PRKN: variants seen among roughly 807,000 people sequenced by gnomAD.
The protein encoded by PRKN is parkin RBR E3 ubiquitin protein ligase.
A neutral mutation model predicts 59.5 loss-of-function variants in PRKN; 56 were observed. That is an observed-to-expected ratio of 0.94 (90% CI 0.76 to 1.18). The LOEUF (loss-of-function observed/expected upper bound fraction) is 1.18, where lower values mean the gene tolerates loss of function less well. Ranked by LOEUF, PRKN falls within the 50% of genes most tolerant of loss-of-function variation. The pLI is 0.00. For synonymous variants in PRKN, 250 were observed against 222.1 expected, an observed-to-expected ratio of 1.13 and a Z score of -1.12; for missense variants, 657 against 596.4, an observed-to-expected ratio of 1.10 and a Z score of -1.06.
intron 5 of PRKN, among the ~76,000 whole-genome samples, chr6:162,048,060 C>T (rs188209939): frequency 5.3e-5 from 8 of 151,936 alleles, no homozygotes; most frequent in South Asian, 2.1e-4. Context: ...AGAGGTGTTA[C>T]GCTACTTGTT....
At chr6:161,856,361 A>AAAAT (rs113381073) in intron 6 of PRKN, among the ~76,000 whole-genome samples, 58,388 of 149,148 alleles carry the variant, frequency 0.39, 11,901 homozygotes, top group East Asian at 0.68. Flanking sequence ...ATGCCATCTC[A>AAAAT]AAATAAATAA....
chr6:161,636,058 G>A (rs1448969717), intron 7 of PRKN, among the ~76,000 whole-genome samples: 2 of 152,130 alleles, frequency 1.3e-5, no homozygotes, highest in Non-Finnish European at 2.9e-5. Context: ...CCCGAAACAT[G>A]AGTCTCCCAT....
In PRKN at chr6:161,451,955, T is replaced by C. The variant is rs192356534; in HGVS notation, c.1084-65078A>G. On this transcript the variant is annotated intron_variant, in intron 9 of 11. Coordinates refer to ENST00000366898, the MANE Select transcript of PRKN (RefSeq NM_004562.3). This position sits in a 1 kb window ranked among gnomAD's most constrained non-coding sequence, Gnocchi z 5.9. ...TTTCTTTTCTTTTACTTTTTTCTTTTCTTTTCTTTTCTTTTTTTGGGATGG... is the reference window on the plus strand; with the variant it reads ...TTTCTTTTCTTTTACTTTTTTCTTTCCTTTTCTTTTCTTTTTTTGGGATGG... 6.6e-6 allele frequency among the ~76,000 whole-genome samples: 1 copy of C among 152,214 alleles called. No homozygotes were observed. The highest frequency in any genetic ancestry group is 1.9e-4 in the East Asian group (1 of 5,180).
At chr6:162,216,453 C>A (rs1289190431) in intron 3 of PRKN, among the ~76,000 whole-genome samples, 2 of 147,088 alleles carry the variant, frequency 1.4e-5, no homozygotes, top group East Asian at 4.2e-4. Flanking sequence ...TGGCGTGAAC[C>A]CGGGAAGCGG....
intron 7 of PRKN, among the ~76,000 whole-genome samples, chr6:161,656,988 G>A (rs1412808917): frequency 6.6e-6 from 1 of 152,120 alleles, no homozygotes; most frequent in African/African-American, 2.4e-5. Context: ...GGCGCCAACA[G>A]ATTCTCCAAA....
chr6:162,245,811 T>C (rs950474368), intron 3 of PRKN, among the ~76,000 whole-genome samples: 2 of 152,168 alleles, frequency 1.3e-5, no homozygotes, highest in African/African-American at 2.4e-5. Context: ...CTTGATAGTC[T>C]GACTGGCAAT....
intron 7 of PRKN, among the ~76,000 whole-genome samples, chr6:161,707,063 T>C (rs893046295): frequency 6.6e-6 from 1 of 152,182 alleles, no homozygotes; most frequent in Non-Finnish European, 1.5e-5. Flanking sequence ...TCCTGTCTCA[T>C]TGTCGGTTTT....
rs1325853402 is a variant in PRKN at position 162,414,709 on chromosome 6, TC to T, written c.171+28600del. Among the ~76,000 whole-genome samples, 6 of 44,550 alleles carry T rather than the reference TC, an allele frequency of 1.3e-4. 1 individual carries two copies. Among genetic ancestry groups the T allele is most frequent in the Non-Finnish European group, 2.2e-4 (6 of 27,046 alleles). 29.2% of individuals were successfully genotyped at this position (44,550 alleles called of 152,430 possible). A position where few individuals can be genotyped will look rare whatever the true frequency, so the allele number is the denominator to read the frequency against. ...CTGGTCAACTGAGCAAGACTCCGTC[TC>T]AAAAAAAAAAAAAAAAAGTGAATCT... On this transcript the variant is annotated intron_variant, in intron 2 of 11. Coordinates refer to ENST00000366898, the MANE Select transcript of PRKN (RefSeq NM_004562.3).
chr6:162,021,119 C>A lies in PRKN; in HGVS notation c.618+32972G>T, dbSNP rs1432407705. Among the ~76,000 whole-genome samples, 14 of 46,548 alleles carry A rather than the reference C, an allele frequency of 3.0e-4. 2 individuals are homozygous for A. The highest frequency in any genetic ancestry group is 4.3e-4 in the Non-Finnish European group (9 of 21,008). 30.5% of individuals were successfully genotyped at this position (46,548 alleles called of 152,430 possible). A position where few individuals can be genotyped will look rare whatever the true frequency, so the allele number is the denominator to read the frequency against. The stretch of plus-strand genomic sequence containing the variant: ...CTCTGTCTCAAAAAAAAAACAAAAA[C>A]ATATATATATATATATATATATATA... On this transcript the variant is annotated intron_variant, in intron 5 of 11. Coordinates refer to ENST00000366898, the MANE Select transcript of PRKN (RefSeq NM_004562.3).
rs377047879 is a variant in PRKN at position 162,582,947 on chromosome 6, T to G, written c.8-139474A>C. ...TCCCCTTCAAAACTCATCTTGAAATTTGGCTGCCATTGTGACAGTGATAGG... is the reference window on the plus strand; with the variant it reads ...TCCCCTTCAAAACTCATCTTGAAATGTGGCTGCCATTGTGACAGTGATAGG... On this transcript the variant is annotated intron_variant, in intron 1 of 11. Coordinates refer to ENST00000366898, the MANE Select transcript of PRKN (RefSeq NM_004562.3). Among the ~76,000 whole-genome samples the G allele has an allele frequency of 7.1e-4, 108 of 152,268 alleles. No individual in the cohort carries two copies. The East Asian group carries it at 0.01, about 14-fold the overall frequency.
intron 5 of PRKN, among the ~76,000 whole-genome samples, chr6:162,011,865 T>TC (rs1190337416): frequency 6.7e-6 from 1 of 148,410 alleles, no homozygotes; most frequent in East Asian, 2.0e-4. Context: ...AAAATTAGTT[T>TC]TATTGACTAG....
chr6:162,638,935 G>A lies in PRKN; in HGVS notation c.7+88727C>T, dbSNP rs781298401. Among the ~76,000 whole-genome samples the A allele has an allele frequency of 9.8e-4, 149 of 151,690 alleles. 1 individual carries two copies. The highest frequency in any genetic ancestry group is 1.7e-3 in the Non-Finnish European group (113 of 67,938). ...AATTTTTTATATTTTTAGTAGAGACGGGGTTTCACTATGTTAGCCAGGCTG... is the reference window on the plus strand; with the variant it reads ...AATTTTTTATATTTTTAGTAGAGACAGGGTTTCACTATGTTAGCCAGGCTG... On this transcript the variant is annotated intron_variant, in intron 1 of 11. Transcript: ENST00000366898.
At chr6:161,927,257 G>A (rs1422402155) in intron 6 of PRKN, among the ~76,000 whole-genome samples, 1 of 152,122 alleles carries the variant, frequency 6.6e-6, no homozygotes, top group Non-Finnish European at 1.5e-5. Context: ...ATTTTGAAGA[G>A]GATTGCAAAG....
chr6:161,792,885 G>C (rs1790693589), intron 6 of PRKN, among the ~76,000 whole-genome samples: 1 of 152,150 alleles, frequency 6.6e-6, no homozygotes, highest in South Asian at 2.1e-4. Flanking sequence ...GCCCCTTTTA[G>C]TTAGAGATGG....
intron 9 of PRKN, among the ~76,000 whole-genome samples, chr6:161,524,678 C>G (rs1778955373): frequency 6.6e-6 from 1 of 152,094 alleles, no homozygotes; most frequent in Non-Finnish European, 1.5e-5. Flanking sequence ...CAACCGTAAC[C>G]TCATCTGCTT....
At chr6:161,437,971 G>A (rs1789004309) in intron 9 of PRKN, among the ~76,000 whole-genome samples, 1 of 152,066 alleles carries the variant, frequency 6.6e-6, no homozygotes, top group Non-Finnish European at 1.5e-5. Context: ...CCTTGTAATT[G>A]ACACAGTAAT....
chr6:161,908,009 C>A (rs1726166119), intron 6 of PRKN, among the ~76,000 whole-genome samples: 1 of 151,780 alleles, frequency 6.6e-6, no homozygotes, highest in South Asian at 2.1e-4. Flanking sequence ...ACCCAAGAGG[C>A]AAAGGTTGCC....
chr6:161,387,392 T>A (rs1051373607), intron 9 of PRKN, among the ~76,000 whole-genome samples: 3 of 152,190 alleles, frequency 2.0e-5, no homozygotes, highest in African/African-American at 7.2e-5. Flanking sequence ...TGTGTTTGCT[T>A]CCCCTTCCAC....
intron 6 of PRKN, among the ~76,000 whole-genome samples, chr6:161,790,567 C>A (rs1790597878): frequency 6.6e-6 from 1 of 152,042 alleles, no homozygotes; most frequent in Non-Finnish European, 1.5e-5. Flanking sequence ...AAATGAGTGC[C>A]CTTTTAAAGA....
Sources: gnomAD v4.1 joint callset for allele counts (sites outside exome capture counted in the v4.1 genomes callset) on GRCh38, gnomAD v4.1.1 for gene constraint, Gnocchi (gnomAD v3.1) non-coding constraint, MANE v1.5 for transcripts, NCBI Gene and HGNC (gene_info 2026-07-23, HGNC 2026-07-21) for gene names.